Variants in ARID2 observed in about 807,000 individuals in gnomAD.
ARID2 encodes AT-rich interaction domain 2, also known as AT-rich interactive domain-containing protein 2.
ARID2 carries 32 observed loss-of-function variants against 184.6 expected under a neutral mutation model. That is an observed-to-expected ratio of 0.17 (90% CI 0.13 to 0.23). The LOEUF (loss-of-function observed/expected upper bound fraction) is 0.23. ARID2 is among the 10% of genes least tolerant of loss of function. The pLI is 1.00. For synonymous variants in ARID2, 836 were observed against 772.6 expected (o/e 1.08, Z -1.36); for missense variants, 1,696 against 2,197.6 (o/e 0.77, Z 4.56).
chr12:45,877,813 C>G (rs916984643), intron 16 of ARID2, among the ~76,000 whole-genome samples: 2 of 152,154 alleles, frequency 1.3e-5, no homozygotes, highest in African/African-American at 2.4e-5. Context: ...CTATTGATTT[C>G]TTCTCTAACA....
chr12:45,860,510 A>C (rs1195346724), intron 15 of ARID2, among the ~76,000 whole-genome samples: 1 of 151,946 alleles, frequency 6.6e-6, no homozygotes, highest in Non-Finnish European at 1.5e-5. Flanking sequence ...TTAAATCTAC[A>C]ATTGTATTGT....
chr12:45,771,103 A>G (rs934560681), intron 3 of ARID2, among the ~76,000 whole-genome samples: 33 of 152,196 alleles, frequency 2.2e-4, no homozygotes, highest in African/African-American at 8.0e-4. Context: ...TAATTATATA[A>G]TTATAAAAGA....
At chr12:45,827,043 TTTC>T (rs1943015204) in intron 6 of ARID2, among the ~76,000 whole-genome samples, 1 of 152,026 alleles carries the variant, frequency 6.6e-6, no homozygotes, top group South Asian at 2.1e-4. Flanking sequence ...ATTGTTTCCA[TTTC>T]TTCTTATTAT....
At chr12:45,813,134 T>C (rs1017063497) in intron 4 of ARID2, among the ~76,000 whole-genome samples, 2 of 152,174 alleles carry the variant, frequency 1.3e-5, no homozygotes, top group African/African-American at 4.8e-5. Context: ...ATGTGTGATT[T>C]GTTTTAAGAG....
At chr12:45,879,791 A>G (rs1165708595) in intron 16 of ARID2, among the ~76,000 whole-genome samples, 1 of 152,252 alleles carries the variant, frequency 6.6e-6, no homozygotes, top group African/African-American at 2.4e-5. Flanking sequence ...AATGTTGACT[A>G]TTAGTTTATC....
chr12:45,888,217 T>G (rs1163374596), intron 16 of ARID2, among the ~76,000 whole-genome samples: 1 of 149,636 alleles, frequency 6.7e-6, no homozygotes, highest in African/African-American at 2.5e-5. Flanking sequence ...AAAGCTCTAA[T>G]GAAATGAACT....
chr12:45,859,672 G>GAACATCTTTTA (rs1943709225), intron 15 of ARID2, among the ~76,000 whole-genome samples: 1 of 152,080 alleles, frequency 6.6e-6, no homozygotes. Context: ...CAAGAGAAAG[G>GAACATCTTTTA]GATGGGATCT....
intron 15 of ARID2, among the ~76,000 whole-genome samples, chr12:45,858,274 T>C (rs1943685478): frequency 6.6e-6 from 1 of 152,100 alleles, no homozygotes; most frequent in Admixed American, 6.5e-5. Flanking sequence ...GGTGGGAAGA[T>C]TGCATGAGCC....
chr12:45,778,361 A>G (rs1942028342), intron 3 of ARID2, among the ~76,000 whole-genome samples: 1 of 152,200 alleles, frequency 6.6e-6, no homozygotes, highest in Non-Finnish European at 1.5e-5. Context: ...CAGGGTATCT[A>G]ACCTCATCAT....
intron 3 of ARID2, among the ~76,000 whole-genome samples, chr12:45,801,899 C>A (rs1039424957): frequency 6.6e-6 from 1 of 151,994 alleles, no homozygotes; most frequent in African/African-American, 2.4e-5. Context: ...TAAATGAATT[C>A]TTTGAATATT....
At chr12:45,847,483 C>G (rs149512575) in intron 12 of ARID2, among the ~76,000 whole-genome samples, 1 of 151,964 alleles carries the variant, frequency 6.6e-6, no homozygotes, top group East Asian at 1.9e-4. Context: ...TTGTGTAGTC[C>G]TATCTGCACC....
chr12:45,838,792 G>T (rs895822944), intron 10 of ARID2, among the ~76,000 whole-genome samples: 2 of 150,982 alleles, frequency 1.3e-5, no homozygotes, highest in African/African-American at 2.4e-5. Context: ...TAGATAGATA[G>T]ATATAGATAT....
chr12:45,835,579 A>T (rs1361087821), intron 6 of ARID2, among the ~76,000 whole-genome samples: 1 of 152,158 alleles, frequency 6.6e-6, no homozygotes, highest in Non-Finnish European at 1.5e-5. Flanking sequence ...ATTGCTTAAT[A>T]TTCAGAGTTG....
At chr12:45,828,809 G>C (rs1043592298) in intron 6 of ARID2, among the ~76,000 whole-genome samples, 1 of 151,780 alleles carries the variant, frequency 6.6e-6, no homozygotes, top group African/African-American at 2.4e-5. Flanking sequence ...TGATTTGTAA[G>C]AGTTTTTTTT....
chr12:45,849,882 T>G, intron 14 of ARID2, 106 bp downstream of exon 14: 1 of 1,401,782 alleles, frequency 7.1e-7, no homozygotes, highest in Non-Finnish European at 9.5e-7. Flanking sequence ...GTGTCTCCAG[T>G]AGCATTTTCT....
intron 6 of ARID2, among the ~76,000 whole-genome samples, chr12:45,823,290 A>C (rs898304538): frequency 6.6e-6 from 1 of 152,154 alleles, no homozygotes; most frequent in Non-Finnish European, 1.5e-5. Context: ...AACCCATTGG[A>C]TACAGCAGAA....
intron 5 of ARID2, among the ~76,000 whole-genome samples, chr12:45,820,037 C>A (rs1942871287): frequency 6.6e-6 from 1 of 152,116 alleles, no homozygotes; most frequent in African/African-American, 2.4e-5. Flanking sequence ...AGCCACCATG[C>A]CCGGCCCCTA....
rs2138137406 is a variant in ARID2, at chr12:45,839,451, G to A, written c.1453G>A (p.Ala485Thr). The change falls in exon 11 of 21, where the codon GCT becomes ACT. Residue 485 changes from alanine to threonine, a missense_variant. By Grantham distance (58) the Ala-to-Thr change is moderately conservative. Transcript: ENST00000334344. ...AATGTTATCTGAAATTAGGCCACAAGCTATAGAGCAAGTCCAAACCCAGAC... is the reference window on the plus strand; with the variant it reads ...AATGTTATCTGAAATTAGGCCACAAACTATAGAGCAAGTCCAAACCCAGAC... ...HQMLSEIRPQ[A>T]IEQVQTQTHV... 4 of 1,614,058 alleles carry A rather than the reference G, an allele frequency of 2.5e-6. No individual in the cohort carries two copies. The highest frequency in any genetic ancestry group is 3.4e-6 in the Non-Finnish European group (4 of 1,179,992).
chr12:45,824,979 G>T (rs1018860138), intron 6 of ARID2, among the ~76,000 whole-genome samples: 1 of 151,682 alleles, frequency 6.6e-6, no homozygotes, highest in African/African-American at 2.4e-5. Context: ...TATGTTCAAT[G>T]AAAACCTAGG....
Sources: allele counts gnomAD v4.1 joint callset (sites outside exome capture counted in the v4.1 genomes callset), GRCh38; gene constraint gnomAD v4.1.1; transcripts MANE v1.5; gene names NCBI Gene and HGNC (gene_info 2026-07-23, HGNC 2026-07-21).